Variants in ACACA observed in about 807,000 individuals in gnomAD.
ACACA encodes acetyl-CoA carboxylase alpha.
ACACA carries 103 observed loss-of-function variants against 296.1 expected under a neutral mutation model. That is an observed-to-expected ratio of 0.35 (90% CI 0.30 to 0.41). The LOEUF (loss-of-function observed/expected upper bound fraction) is 0.41, where lower values mean the gene tolerates loss of function less well. ACACA is among the 10% of genes least tolerant of loss of function. The pLI is 1.00. For missense variants in ACACA, 1,554 were observed against 2,989.7 expected (o/e 0.52, Z 11.20); for synonymous variants, 953 against 1,038.6 (o/e 0.92, Z 1.58).
intron 45 of ACACA, chr17:37,140,806 GC>G: frequency 9.8e-6 from 2 of 203,718 alleles, no homozygotes; most frequent in Non-Finnish European, 2.0e-5. Context: ...TGGCAGTGCA[GC>G]CCCTGGCTGA....
At chr17:37,312,370 C>T (rs1598460359) in intron 3 of ACACA, among the ~76,000 whole-genome samples, 1 of 152,326 alleles carries the variant, frequency 6.6e-6, no homozygotes, top group African/African-American at 2.4e-5. Context: ...AATACCATGA[C>T]TGAATGCCTC....
chr17:37,119,329 T>C (rs1358365443), intron 50 of ACACA, among the ~76,000 whole-genome samples: 1 of 152,150 alleles, frequency 6.6e-6, no homozygotes, highest in African/African-American at 2.4e-5. Flanking sequence ...TTTTGACTTA[T>C]TTTTGTTCTC....
chr17:37,170,845 C>T (rs1156730547), intron 41 of ACACA, among the ~76,000 whole-genome samples: 1 of 152,194 alleles, frequency 6.6e-6, no homozygotes, highest in East Asian at 1.9e-4. Context: ...AGGCACTTCC[C>T]AAAGCTGCTG....
intron 1 of ACACA, chr17:37,379,473 G>C: frequency 7.0e-7 from 1 of 1,436,888 alleles, no homozygotes; most frequent in Non-Finnish European, 9.3e-7. Context: ...AAAGCTACAA[G>C]AAAATGAATT....
intron 11 of ACACA, among the ~76,000 whole-genome samples, chr17:37,263,008 G>A (rs1227740661): frequency 6.6e-6 from 1 of 152,154 alleles, no homozygotes; most frequent in African/African-American, 2.4e-5. Context: ...AGGATTACAG[G>A]CAAGAGCCAC....
At chr17:37,104,944 G>GAAAAAAA (rs66518229) in intron 52 of ACACA, among the ~76,000 whole-genome samples, 2 of 56,642 alleles carry the variant, frequency 3.5e-5, no homozygotes, top group African/African-American at 7.1e-5. Context: ...GTCTCTGACC[G>GAAAAAAA]AAAAAAAAAA....
rs774825307 is a variant in ACACA, at chr17:37,245,172, A to T, written c.2503T>A (p.Cys835Ser). Residue 835 changes from cysteine to serine, a missense_variant, in exon 20 of 56, where the codon TGT becomes AGT. Around this residue, in one of 16 missense-constraint regions of ACACA, gnomAD observed 316 missense variants for 540.9 expected, o/e 0.58. Transcript: ENST00000616317. ...VMTLTAVESG[C>S]IHYVKRPGAA... is the part of the protein sequence containing the mutation. ...CCAGGTCGCTTGACGTAATGGATAC[A>T]GCCAGACTCCACAGCTGTTAAGGTC... is the stretch of plus-strand genomic sequence containing the variant. 6.2e-7 allele frequency: 1 copy of T among 1,614,184 alleles called. No individual in the cohort carries two copies. The highest frequency in any genetic ancestry group is 1.7e-5 in the Admixed American group (1 of 60,022).
intron 15 of ACACA, 95 bp downstream of exon 15, chr17:37,252,791 C>A: frequency 6.5e-7 from 1 of 1,529,426 alleles, no homozygotes; most frequent in Non-Finnish European, 9.0e-7. Flanking sequence ...GAACCATTTA[C>A]ATTAGAATCA....
intron 3 of ACACA, among the ~76,000 whole-genome samples, chr17:37,309,985 T>G (rs2084055587): frequency 6.6e-6 from 1 of 152,090 alleles, no homozygotes; most frequent in Non-Finnish European, 1.5e-5. Flanking sequence ...GAGGCTGCAG[T>G]GAGTCCTGTT....
At chr17:37,337,256 A>C (rs547819668) in intron 2 of ACACA, among the ~76,000 whole-genome samples, 1 of 151,854 alleles carries the variant, frequency 6.6e-6, no homozygotes, top group African/African-American at 2.4e-5. Context: ...CTAAAAAAAA[A>C]TTTTTTTTAA....
chr17:37,396,928 T>A (rs2051101161), intron 1 of ACACA, among the ~76,000 whole-genome samples: 1 of 152,310 alleles, frequency 6.6e-6, no homozygotes, highest in South Asian at 2.1e-4. Context: ...AGGGTACATG[T>A]GCACAATGTC....
chr17:37,206,900 A>G lies in ACACA; in HGVS notation c.3852-21T>C, dbSNP rs370952603. On this transcript the variant is annotated intron_variant, in intron 31 of 55. Coordinates refer to ENST00000616317, the MANE Select transcript of ACACA (RefSeq NM_198834.3). ...AGATCCTAAAAAATACAAGAGAAAC[A>G]CCCACCATGAAAACTCAAGTGGCAT... 285 of 1,587,556 alleles carry G rather than the reference A, an allele frequency of 1.8e-4. 1 individual carries two copies. Among genetic ancestry groups the G allele is most frequent in the Non-Finnish European group, 2.4e-4 (276 of 1,156,420 alleles).
At position 37,113,727 on chromosome 17, in the gene ACACA, T is replaced by C. The variant is rs541263935; in HGVS notation, c.6275-462A>G. On this transcript the variant is annotated intron_variant, in intron 50 of 55. Transcript: ENST00000616317. This position sits in a 1 kb window ranked among gnomAD's most constrained non-coding sequence, Gnocchi z 4.0. Reference sequence around the variant, plus strand: ...TCTTCAAATGTGCACCTAATGGAAATTGATCCTTTAAAAATTTTATCTTCA... The same window carrying C: ...TCTTCAAATGTGCACCTAATGGAAACTGATCCTTTAAAAATTTTATCTTCA... 4.5e-4 allele frequency among the ~76,000 whole-genome samples: 69 copies of C among 152,314 alleles called. No homozygotes were observed. The highest frequency in any genetic ancestry group is 1.6e-3 in the African/African-American group (68 of 41,562).
At position 37,149,507 on chromosome 17, in the gene ACACA, G is replaced by T. The variant is rs144779930; in HGVS notation, c.5679+357C>A. Among the ~76,000 whole-genome samples the T allele has an allele frequency of 4.0e-4, 61 of 152,356 alleles. 1 individual carries two copies. The highest frequency in any genetic ancestry group is 3.4e-3 in the Middle Eastern group (1 of 294). On this transcript the variant is annotated intron_variant, in intron 45 of 55. Transcript: ENST00000616317. ...TTACTAATAGATTAAGAAAAAGAGAGAAGTGGGACAGAACAGAAGCGTTCA... is the reference window on the plus strand; with the variant it reads ...TTACTAATAGATTAAGAAAAAGAGATAAGTGGGACAGAACAGAAGCGTTCA...
intron 54 of ACACA, among the ~76,000 whole-genome samples, chr17:37,094,579 C>CG (rs1271736387): frequency 2.0e-5 from 3 of 147,030 alleles, no homozygotes; most frequent in Non-Finnish European, 4.6e-5. Flanking sequence ...ACCACCCCCC[C>CG]CCCCCCACAC....
At chr17:37,365,371 A>G (rs1275536530) in intron 1 of ACACA, 1 of 880,462 alleles carries the variant, frequency 1.1e-6, no homozygotes, top group African/African-American at 1.8e-5. Flanking sequence ...CCCCTTTTAT[A>G]GCTCTTCAAG....
intron 52 of ACACA, among the ~76,000 whole-genome samples, chr17:37,105,254 C>T (rs185076593): frequency 2.0e-5 from 3 of 152,206 alleles, no homozygotes; most frequent in Non-Finnish European, 4.4e-5. Context: ...CAATCCCAGT[C>T]TGGCAAACAG....
intron 3 of ACACA, among the ~76,000 whole-genome samples, chr17:37,325,757 A>G (rs1650210520): frequency 6.6e-6 from 1 of 151,640 alleles, no homozygotes; most frequent in Non-Finnish European, 1.5e-5. Flanking sequence ...TATTTTTAGT[A>G]GAGATGGGGT....
intron 8 of ACACA, among the ~76,000 whole-genome samples, chr17:37,275,353 C>T (rs760273416): frequency 1.3e-5 from 2 of 151,832 alleles, no homozygotes; most frequent in East Asian, 1.9e-4. Flanking sequence ...AAAAATTAGC[C>T]GGGTGTGGTG....
Sources: allele counts gnomAD v4.1 joint callset (sites outside exome capture counted in the v4.1 genomes callset), GRCh38; gene constraint gnomAD v4.1.1; regional missense constraint gnomAD v4.1.1; non-coding constraint Gnocchi (gnomAD v3.1); transcripts MANE v1.5; gene names NCBI Gene and HGNC (gene_info 2026-07-23, HGNC 2026-07-21).